ISY1: variants seen among roughly 807,000 people sequenced by gnomAD.
ISY1 encodes the protein ISY1 spliceosome associated protein, also known as pre-mRNA-splicing factor ISY1 homolog.
A neutral mutation model predicts 54.4 loss-of-function variants in ISY1; 12 were observed. That is an observed-to-expected ratio of 0.22 (90% confidence interval 0.14 to 0.36). ISY1 has a LOEUF of 0.36. Ranked by LOEUF, ISY1 falls within the 10% of genes least tolerant of loss-of-function variation. The pLI is 1.00. For synonymous variants in ISY1, 96 were observed against 117.9 expected (o/e 0.81, Z 1.20); for missense variants, 282 against 342.2 (o/e 0.82, Z 1.39).
In ISY1 at chr3:129,140,357, A is replaced by AACTT. The variant is rs1218145640; in HGVS notation, c.418+7_418+10dup. 1.4e-6 allele frequency: 1 copy of AACTT among 695,902 alleles called. No homozygotes were observed. Among genetic ancestry groups the AACTT allele is most frequent in the Non-Finnish European group, 2.1e-6 (1 of 481,988 alleles). The allele number at this position is 695,902 out of a possible 1,614,324, so 43.1% of individuals were successfully genotyped here. On this transcript the variant is annotated intron_variant, in intron 7 of 10. Coordinates refer to ENST00000393295, the MANE Select transcript of ISY1 (RefSeq NM_020701.4). ...CCAATGAAAGGCTAAAACTGTCACAAACTTACTTACGTTCTTTTTCAAACA... is the reference window on the plus strand; with the variant it reads ...CCAATGAAAGGCTAAAACTGTCACAAACTTACTTACTTACGTTCTTTTTCAAACA...
intron 1 of ISY1, among the ~76,000 whole-genome samples, chr3:129,160,473 C>G (rs1937271823): frequency 6.6e-6 from 1 of 151,362 alleles, no homozygotes; most frequent in South Asian, 2.1e-4. Flanking sequence ...TTCATTTATT[C>G]AATAGTTATT....
At position 129,128,836 on chromosome 3, in the gene ISY1, C is replaced by T. The variant is rs1354899791; in HGVS notation, c.*1245G>A. ...CCTGCAGAGGGCAGGAAGCCAGGCA[C>T]CATCTTGCCCAGGGGCTACAGCCGC... On this transcript the variant is annotated 3_prime_UTR_variant, in exon 11 of 11. Coordinates refer to ENST00000393295, the MANE Select transcript of ISY1 (RefSeq NM_020701.4). 6.6e-6 allele frequency: 1 copy of T among 152,502 alleles called. No individual in the cohort carries two copies. Among genetic ancestry groups the T allele is most frequent in the Non-Finnish European group, 1.5e-5 (1 of 68,272 alleles). The allele number at this position is 152,502 out of a possible 1,614,324, so 9.4% of individuals were successfully genotyped here.
At chr3:129,145,963 A>C (rs1397139502) in intron 5 of ISY1, 90 bp from the exon 6 acceptor site, 33 of 1,257,068 alleles carry the variant, frequency 2.6e-5, no homozygotes, top group Non-Finnish European at 3.3e-5. Flanking sequence ...CCTTAAAATG[A>C]ATGTCAACAC....
At chr3:129,143,660 AT>A (rs1303939646) in intron 6 of ISY1, among the ~76,000 whole-genome samples, 15 of 151,328 alleles carry the variant, frequency 9.9e-5, no homozygotes, top group South Asian at 4.1e-4. Flanking sequence ...ACTAATATGT[AT>A]TTTTTATATC....
chr3:129,133,535 A>C (rs1388199370), intron 9 of ISY1, among the ~76,000 whole-genome samples: 1 of 152,166 alleles, frequency 6.6e-6, no homozygotes, highest in Non-Finnish European at 1.5e-5. Flanking sequence ...CTCTACTAAA[A>C]ATACAAAAAT....
chr3:129,159,089 CAA>C (rs1937229237), intron 2 of ISY1, 63 bp downstream of exon 2: 1 of 1,577,598 alleles, frequency 6.3e-7, no homozygotes, highest in Non-Finnish European at 8.6e-7. Context: ...AGGAAATACA[CAA>C]AGAGTTACAT....
chr3:129,148,713 A>G (rs1298414680), intron 5 of ISY1, among the ~76,000 whole-genome samples: 4 of 152,128 alleles, frequency 2.6e-5, no homozygotes, highest in Non-Finnish European at 4.4e-5. Flanking sequence ...TACAGGCGTG[A>G]GCCACCACAC....
At position 129,161,040 on chromosome 3, in the gene ISY1, A is replaced by T. The variant is rs1165547221; in HGVS notation, c.-65T>A. The T allele has an allele frequency of 9.7e-6, 15 of 1,540,230 alleles. No individual in the cohort carries two copies. The highest frequency in any genetic ancestry group is 1.3e-5 in the Non-Finnish European group (15 of 1,142,266). On this transcript the variant is annotated 5_prime_UTR_variant, in exon 1 of 11. Coordinates refer to ENST00000393295, the MANE Select transcript of ISY1 (RefSeq NM_020701.4). ...TGTCCAAGAAACTCCACAGGCCCAGAAGACGCCGACGCTCACAGGAACTGA... is the reference window on the plus strand; with the variant it reads ...TGTCCAAGAAACTCCACAGGCCCAGTAGACGCCGACGCTCACAGGAACTGA...
intron 5 of ISY1, among the ~76,000 whole-genome samples, chr3:129,149,788 CAA>C (rs369302599): frequency 1.2e-5 from 1 of 83,564 alleles, no homozygotes; most frequent in Non-Finnish European, 2.2e-5. Flanking sequence ...GACTCCAACT[CAA>C]AAAAAAAAAA....
intron 6 of ISY1, among the ~76,000 whole-genome samples, chr3:129,142,620 TACAA>T (rs1936654434): frequency 1.3e-5 from 2 of 152,222 alleles, no homozygotes; most frequent in South Asian, 2.1e-4. Flanking sequence ...TTTTAAATCA[TACAA>T]TTTGGCTGAG....
intron 6 of ISY1, among the ~76,000 whole-genome samples, chr3:129,143,072 G>C (rs1164664332): frequency 6.6e-6 from 1 of 151,644 alleles, no homozygotes; most frequent in Non-Finnish European, 1.5e-5. Flanking sequence ...AAAATTAGCT[G>C]AGCATGGTGG....
At chr3:129,134,239 G>A in intron 8 of ISY1, 44 bp from the exon 9 acceptor site, 1 of 1,612,912 alleles carries the variant, frequency 6.2e-7, no homozygotes, top group Non-Finnish European at 8.5e-7. Flanking sequence ...GTCTCTAAAT[G>A]AGCTTTCAAC....
chr3:129,143,729 T>G (rs1434424836), intron 6 of ISY1, among the ~76,000 whole-genome samples: 1 of 151,642 alleles, frequency 6.6e-6, no homozygotes, highest in Non-Finnish European at 1.5e-5. Flanking sequence ...GTTTATATAA[T>G]GAAAGCTACC....
chr3:129,135,485 G>T (rs1021304730), intron 7 of ISY1, among the ~76,000 whole-genome samples: 2 of 152,120 alleles, frequency 1.3e-5, no homozygotes, highest in Admixed American at 6.6e-5. Flanking sequence ...ACAAAACCAG[G>T]CCGGGTGCGG....
chr3:129,156,506 G>A, intron 5 of ISY1, 127 bp downstream of exon 5: 3 of 903,904 alleles, frequency 3.3e-6, no homozygotes, highest in Non-Finnish European at 5.1e-6. Context: ...GTATTGATTG[G>A]CTCTTCTATG....
At chr3:129,152,548 C>T (rs886161950) in intron 5 of ISY1, among the ~76,000 whole-genome samples, 1 of 152,092 alleles carries the variant, frequency 6.6e-6, no homozygotes, top group African/African-American at 2.4e-5. Context: ...GGACTACAGG[C>T]ACCTGCCACC....
At chr3:129,153,632 A>T (rs2107617774) in intron 5 of ISY1, among the ~76,000 whole-genome samples, 1 of 149,236 alleles carries the variant, frequency 6.7e-6, no homozygotes, top group South Asian at 2.1e-4. Flanking sequence ...AAATACAAAA[A>T]AAAATTAGCT....
intron 5 of ISY1, among the ~76,000 whole-genome samples, chr3:129,147,106 G>A (rs1193419529): frequency 2.7e-5 from 4 of 150,822 alleles, no homozygotes; most frequent in African/African-American, 9.8e-5. Flanking sequence ...TGGGTGCGGT[G>A]GCTCACACCT....
intron 9 of ISY1, among the ~76,000 whole-genome samples, chr3:129,131,121 T>C (rs908982036): frequency 5.3e-5 from 8 of 152,228 alleles, no homozygotes; most frequent in Non-Finnish European, 1.2e-4. Context: ...AGGAGTCCAC[T>C]GTTTGCTGGG....
Sources: gnomAD v4.1 joint callset for allele counts (sites outside exome capture counted in the v4.1 genomes callset) on GRCh38, gnomAD v4.1.1 for gene constraint, MANE v1.5 for transcripts, NCBI Gene and HGNC (gene_info 2026-07-23, HGNC 2026-07-21) for gene names.